The following EML6 variants were observed in gnomAD, a reference collection of about 807,000 sequenced individuals.
EML6 encodes EMAP like 6.
A neutral mutation model predicts 240.1 loss-of-function variants in EML6; 154 were observed. The observed-to-expected ratio is 0.64, with a 90% CI of 0.56 to 0.73. The LOEUF (loss-of-function observed/expected upper bound fraction) is 0.73, where lower values mean the gene tolerates loss of function less well. Among genes scored for constraint, EML6 ranks in the 30% least tolerant of loss-of-function variants. EML6 has a pLI of 0.00. For missense variants in EML6, 2,964 were observed against 2,474.6 expected (o/e 1.20, Z -4.20); for synonymous variants, 1,148 against 899.0 (o/e 1.28, Z -4.95).
chr2:54,969,781 C>G (rs1169438850), intron 41 of EML6, among the ~76,000 whole-genome samples: 1 of 152,168 alleles, frequency 6.6e-6, no homozygotes, highest in Non-Finnish European at 1.5e-5. Flanking sequence ...TCAATAGTAA[C>G]AGGAGAGAGT....
chr2:54,832,179 T>C (rs969876975), intron 7 of EML6, among the ~76,000 whole-genome samples: 1 of 152,192 alleles, frequency 6.6e-6, no homozygotes, highest in African/African-American at 2.4e-5. Context: ...GGCTCCTGGT[T>C]TGAATTACTG....
intron 28 of EML6, among the ~76,000 whole-genome samples, chr2:54,936,116 G>C (rs997617688): frequency 6.6e-6 from 1 of 152,188 alleles, no homozygotes. Flanking sequence ...CCAGAAATTA[G>C]AAACTTATAA....
intron 21 of EML6, among the ~76,000 whole-genome samples, chr2:54,896,265 C>T (rs894072588): frequency 1.3e-5 from 2 of 152,134 alleles, no homozygotes; most frequent in Non-Finnish European, 2.9e-5. Flanking sequence ...ATCTGTCCGT[C>T]CATAAAATGA....
chr2:54,924,652 C>T (rs1184865734), intron 26 of EML6, among the ~76,000 whole-genome samples: 1 of 152,264 alleles, frequency 6.6e-6, no homozygotes, highest in South Asian at 2.1e-4. Flanking sequence ...ACCTCTGTCT[C>T]CTGGGTTCAA....
At chr2:54,810,191 T>A (rs184069217) in intron 2 of EML6, among the ~76,000 whole-genome samples, 38 of 152,280 alleles carry the variant, frequency 2.5e-4, no homozygotes, top group Non-Finnish European at 3.7e-4. Context: ...ACAAACAGTG[T>A]GAAGGAACTT....
At position 54,928,795 on chromosome 2, in the gene EML6, C is replaced by T. The variant is rs147388636; in HGVS notation, c.4004+44C>T. 531 of 1,550,358 alleles carry T rather than the reference C, an allele frequency of 3.4e-4. 1 individual carries two copies. In the African/African-American group the frequency reaches 4.7e-3, roughly 14 times the overall value. On this transcript the variant is annotated intron_variant, in intron 28 of 41. Coordinates refer to ENST00000356458, the MANE Select transcript of EML6 (RefSeq NM_001039753.4). ...TGCTTGCTTTTATTATACCTGATGA[C>T]AAGAAACTTGTTTAAGCCAGAGTGC... is the stretch of plus-strand genomic sequence containing the variant.
chr2:54,953,982 G>A lies in EML6; in HGVS notation c.4313-1G>A, dbSNP rs1191521664. 6.5e-7 allele frequency: 1 copy of A among 1,549,362 alleles called. No individual in the cohort carries two copies. Among genetic ancestry groups the A allele is most frequent in the Non-Finnish European group, 8.7e-7 (1 of 1,145,624 alleles). ...TCTTTGTCATGCCTCTCCACACTCA[G>A]GGACAACACCTTCCATCCACATATG... On this transcript the variant is annotated splice_acceptor_variant, in intron 31 of 41. Coordinates refer to ENST00000356458, the MANE Select transcript of EML6 (RefSeq NM_001039753.4). LOFTEE classifies it high-confidence loss of function.
intron 2 of EML6, among the ~76,000 whole-genome samples, chr2:54,806,512 C>G (rs189347163): frequency 1.4e-5 from 2 of 143,424 alleles, no homozygotes; most frequent in African/African-American, 5.2e-5. Context: ...ACTCGGGATG[C>G]TGAGGCAGGA....
intron 28 of EML6, among the ~76,000 whole-genome samples, chr2:54,942,829 C>T (rs1051921757): frequency 5.9e-5 from 9 of 152,316 alleles, no homozygotes; most frequent in South Asian, 2.1e-4. Flanking sequence ...TACACCTGAT[C>T]TTCATCAAGA....
intron 7 of EML6, among the ~76,000 whole-genome samples, chr2:54,830,127 A>G (rs2104186457): frequency 6.6e-6 from 1 of 152,354 alleles, no homozygotes. Context: ...TTCTCACCAT[A>G]TATAGAGTGT....
At chr2:54,779,996 A>G (rs1386512993) in intron 2 of EML6, among the ~76,000 whole-genome samples, 2 of 152,150 alleles carry the variant, frequency 1.3e-5, no homozygotes, top group Admixed American at 1.3e-4. Context: ...TGATACGGAA[A>G]TGTACAATAA....
intron 7 of EML6, among the ~76,000 whole-genome samples, chr2:54,830,394 C>G (rs1333871717): frequency 1.3e-5 from 2 of 152,138 alleles, no homozygotes; most frequent in African/African-American, 2.4e-5. Context: ...TGAAAACTTA[C>G]CCATCGTTGT....
intron 12 of EML6, among the ~76,000 whole-genome samples, chr2:54,860,735 A>T (rs1005571241): frequency 3.3e-5 from 5 of 152,196 alleles, no homozygotes; most frequent in African/African-American, 1.2e-4. Flanking sequence ...TGGCAGTTTT[A>T]TATGGACTTG....
At chr2:54,919,247 C>A (rs5003888) in intron 26 of EML6, among the ~76,000 whole-genome samples, 10,743 of 143,316 alleles carry the variant, frequency 0.075, 729 homozygotes, top group South Asian at 0.24. Flanking sequence ...TTGCTTCCCC[C>A]CCCCCCCAAT....
chr2:54,933,687 G>A (rs1674981703), intron 28 of EML6, among the ~76,000 whole-genome samples: 2 of 151,996 alleles, frequency 1.3e-5, no homozygotes, highest in South Asian at 2.1e-4. Flanking sequence ...AGCCAAGATG[G>A]CACTGCTGCA....
chr2:54,934,859 A>G (rs1410127760), intron 28 of EML6, among the ~76,000 whole-genome samples: 1 of 152,182 alleles, frequency 6.6e-6, no homozygotes, highest in Non-Finnish European at 1.5e-5. Flanking sequence ...CTCAAAAAAT[A>G]TATTTTTTTA....
At chr2:54,874,907 T>C (rs1013507692) in intron 16 of EML6, among the ~76,000 whole-genome samples, 1 of 152,152 alleles carries the variant, frequency 6.6e-6, no homozygotes, top group Admixed American at 6.5e-5. Context: ...CAGTGGCCGA[T>C]CCAAAGGCAG....
At chr2:54,775,632 A>T (rs1668568008) in intron 2 of EML6, among the ~76,000 whole-genome samples, 1 of 152,184 alleles carries the variant, frequency 6.6e-6, no homozygotes. Flanking sequence ...GTATGACCAG[A>T]CTACAGGATC....
intron 28 of EML6, among the ~76,000 whole-genome samples, chr2:54,937,444 T>C (rs952939044): frequency 2.7e-5 from 4 of 150,882 alleles, no homozygotes; most frequent in African/African-American, 9.8e-5. Flanking sequence ...GTTTAGTTGC[T>C]TGGGAGGCTG....
Sources: allele counts gnomAD v4.1 joint callset (sites outside exome capture counted in the v4.1 genomes callset), GRCh38; gene constraint gnomAD v4.1.1; transcripts MANE v1.5; gene names NCBI Gene and HGNC (gene_info 2026-07-23, HGNC 2026-07-21).